The following SSBP4 variants were observed in gnomAD, a reference collection of about 807,000 sequenced individuals.
SSBP4 encodes the protein single-stranded DNA-binding protein 4.
Under a neutral mutation model 64.6 loss-of-function variants are expected in SSBP4, and 33 were observed. That is an observed-to-expected ratio of 0.51 (90% CI 0.39 to 0.68). The LOEUF is 0.68. Among genes scored for constraint, SSBP4 ranks in the 30% least tolerant of loss-of-function variants. The probability of loss-of-function intolerance (pLI) is 0.00; values close to 1 mark genes in which losing one functional copy is unlikely to be tolerated. For missense variants in SSBP4, 583 were observed against 566.8 expected (o/e 1.03, Z -0.29); for synonymous variants, 243 against 224.0 (o/e 1.08, Z -0.76).
At chr19:18,422,664 C>A (rs1478643047) in intron 1 of SSBP4, among the ~76,000 whole-genome samples, 1 of 152,222 alleles carries the variant, frequency 6.6e-6, no homozygotes, top group Non-Finnish European at 1.5e-5. Context: ...GACGACCCAT[C>A]TTTCAGGATC....
At position 18,426,581 on chromosome 19, in the gene SSBP4, C is replaced by G. The variant is rs1972873217; in HGVS notation, c.60-770C>G. ...GGACAGTCCGGCCTCCCCCTGTGAC[C>G]TGCAGAGGGCCGTGCTGGAGCCACC... On this transcript the variant is annotated intron_variant, in intron 1 of 17. Coordinates refer to ENST00000270061, the MANE Select transcript of SSBP4 (RefSeq NM_032627.5). The surrounding 1 kb of genome is among the most constrained non-coding windows in gnomAD (Gnocchi z 4.5). Among the ~76,000 whole-genome samples, 3 of 152,158 alleles carry G rather than the reference C, an allele frequency of 2.0e-5. No homozygotes were observed. Among genetic ancestry groups the G allele is most frequent in the African/African-American group, 7.2e-5 (3 of 41,426 alleles).
chr19:18,406,741 A>G, the SSBP4 span, among the ~76,000 whole-genome samples: 2 of 151,954 alleles, frequency 1.3e-5, no homozygotes, highest in African/African-American at 4.8e-5. Context: ...GGGAGGGCTG[A>G]GCCAAGCACC....
Position 18,433,626 on chromosome 19 carries a change from CGCTCTTG to C in SSBP4, c.1020+14_1020+20del. The C allele has an allele frequency of 3.6e-6, 5 of 1,378,696 alleles. No individual in the cohort carries two copies. The highest frequency in any genetic ancestry group is 4.7e-6 in the Non-Finnish European group (5 of 1,055,466). 85.4% of individuals were successfully genotyped at this position (1,378,696 alleles called of 1,614,324 possible). ...CGGGTTGCCGAAGGTAAGGAGGCTG[CGCTCTTG>C]CCGGGGGTGGGATCCGGGGGGGGTG... is the stretch of plus-strand genomic sequence containing the variant. On this transcript the variant is annotated intron_variant, in intron 16 of 17. Coordinates refer to ENST00000270061, the MANE Select transcript of SSBP4 (RefSeq NM_032627.5).
At chr19:18,412,734 C>T in the SSBP4 span, among the ~76,000 whole-genome samples, 5 of 152,032 alleles carry the variant, frequency 3.3e-5, no homozygotes, top group South Asian at 4.1e-4. Flanking sequence ...GGAGTGGTGG[C>T]GCACACCTGT....
rs375532794 is a variant in SSBP4 at position 18,434,253 on chromosome 19, G to A, written c.*7G>A. On this transcript the variant is annotated 3_prime_UTR_variant, in exon 18 of 18. Transcript: ENST00000270061. ...GATGACCATGAGCGTGTGATGGGGC[G>A]GCAGCCCCGGGCCTCTCTGCGGGCC... is the stretch of plus-strand genomic sequence containing the variant. The A allele has an allele frequency of 1.9e-4, 302 of 1,611,010 alleles. 1 individual carries two copies. Among genetic ancestry groups the A allele is most frequent in the Admixed American group, 2.7e-4 (16 of 59,896 alleles).
chr19:18,429,899 G>T (rs774511702), intron 4 of SSBP4, among the ~76,000 whole-genome samples: 14 of 152,128 alleles, frequency 9.2e-5, no homozygotes, highest in Non-Finnish European at 1.9e-4. Context: ...AGCCCCACAG[G>T]GGGAGGGAGG....
rs913964472 is a variant in SSBP4, at chr19:18,434,482, G to A, written c.*236G>A. The A allele has an allele frequency of 2.4e-6, 2 of 834,282 alleles. No homozygotes were observed. The highest frequency in any genetic ancestry group is 1.7e-6 in the Non-Finnish European group (1 of 586,974). The allele number at this position is 834,282 out of a possible 1,614,324, so 51.7% of individuals were successfully genotyped here. A position where few individuals can be genotyped will look rare whatever the true frequency, so the allele number is the denominator to read the frequency against. On this transcript the variant is annotated 3_prime_UTR_variant, in exon 18 of 18. Transcript: ENST00000270061. ...ATTTGTATTTTGTCCCAGAGAGAAA[G>A]GCTCTTTGGGGGGCCCCTCTCCCCA...
At chr19:18,416,312 G>T (rs2144653826), upstream of SSBP4, among the ~76,000 whole-genome samples, 1 of 152,240 alleles carries the variant, frequency 6.6e-6, no homozygotes, top group East Asian at 1.9e-4. Context: ...ACCGCGCCCG[G>T]CCGGTTTTTT....
chr19:18,431,663 G>C lies in SSBP4; in HGVS notation c.452G>C (p.Arg151Pro), dbSNP rs1451977824. The change falls in exon 7 of 18, where the codon CGC becomes CCC. Residue 151 changes from arginine to proline, a missense_variant. Around this residue, in one of 5 missense-constraint regions of SSBP4, gnomAD observed 444 missense variants for 386.6 expected, o/e 1.15. Transcript: ENST00000270061. The stretch of plus-strand genomic sequence containing the variant: ...CTCTTCCAGCCCTTCATGTCACCGC[G>C]CTTCCCAGGGGGCCCCCGGCCCACC... Reference protein sequence around the residue: ...GPHGQPFMSPRFPGGPRPTLR... With the variant: ...GPHGQPFMSPPFPGGPRPTLR... The C allele has an allele frequency of 6.4e-7, 1 of 1,552,426 alleles. No homozygotes were observed.
Position 18,427,756 on chromosome 19 carries a change from G to A in SSBP4, c.137G>A (p.Arg46Gln), listed in dbSNP as rs754137517. The change falls in exon 3 of 18, where the codon CGA becomes CAA. Residue 46 changes from arginine (R) to glutamine (Q), a missense_variant. Arg to Gln is a conservative substitution (Grantham distance 43). Around this residue, in one of 5 missense-constraint regions of SSBP4, gnomAD observed 43 missense variants for 74.2 expected, o/e 0.58. Transcript: ENST00000270061. This position sits in a 1 kb window ranked among gnomAD's most constrained non-coding sequence, Gnocchi z 4.4. ...KSAQTFLSEI[R>Q]WEKNITLGEP... The stretch of plus-strand genomic sequence containing the variant: ...ACCACCTTCCTTTCCCTGCAGATCC[G>A]ATGGGAGAAGAACATCACGCTGGGG... 1.9e-6 allele frequency: 3 copies of A among 1,593,086 alleles called. No individual in the cohort carries two copies. Among genetic ancestry groups the A allele is most frequent in the Non-Finnish European group, 1.7e-6 (2 of 1,164,880 alleles).
chr19:18,429,902 G>T (rs951767852), intron 4 of SSBP4, among the ~76,000 whole-genome samples: 12 of 152,148 alleles, frequency 7.9e-5, no homozygotes, highest in African/African-American at 2.9e-4. Context: ...CCCACAGGGG[G>T]AGGGAGGATT....
chr19:18,434,212 C>T lies in SSBP4; in HGVS notation c.1129-5C>T, dbSNP rs1439522859. On this transcript the variant is annotated splice_region_variant and splice_polypyrimidine_tract_variant and intron_variant, in intron 17 of 17. Transcript: ENST00000270061. ...CCTGCGCGCTGCCCCCTCCTCTCTCCGCAGTACTCGCCAGGGATGACCATG... is the reference window on the plus strand; with the variant it reads ...CCTGCGCGCTGCCCCCTCCTCTCTCTGCAGTACTCGCCAGGGATGACCATG... 16 of 1,611,864 alleles carry T rather than the reference C, an allele frequency of 9.9e-6. No individual in the cohort carries two copies. The highest frequency in any genetic ancestry group is 1.3e-5 in the Non-Finnish European group (15 of 1,179,570).
chr19:18,409,523 T>C, the SSBP4 span, among the ~76,000 whole-genome samples: 1 of 152,068 alleles, frequency 6.6e-6, no homozygotes. Context: ...TCTTAATAAA[T>C]TTGATTTCAC....
the SSBP4 span, among the ~76,000 whole-genome samples, chr19:18,411,649 AG>A: frequency 6.6e-6 from 1 of 152,200 alleles, no homozygotes; most frequent in Non-Finnish European, 1.5e-5. Context: ...TATCCCGGCC[AG>A]GAGAAAACCC....
chr19:18,412,999 G>A, the SSBP4 span, among the ~76,000 whole-genome samples: 1 of 152,136 alleles, frequency 6.6e-6, no homozygotes, highest in Admixed American at 6.5e-5. Flanking sequence ...AAGGGAAGGA[G>A]CCCTACAGGG....
At chr19:18,408,770 C>T in the SSBP4 span, among the ~76,000 whole-genome samples, 3 of 152,150 alleles carry the variant, frequency 2.0e-5, no homozygotes, top group African/African-American at 4.8e-5. Context: ...GGATTACAGT[C>T]GTGAGCCACC....
intron 1 of SSBP4, among the ~76,000 whole-genome samples, chr19:18,424,836 A>G (rs1489611957): frequency 2.0e-5 from 3 of 150,336 alleles, no homozygotes; most frequent in Admixed American, 6.6e-5. Flanking sequence ...ATGCATGTGT[A>G]AAGGCCAAGC....
At chr19:18,430,283 G>A (rs960226997) in intron 4 of SSBP4, among the ~76,000 whole-genome samples, 18 of 152,106 alleles carry the variant, frequency 1.2e-4, no homozygotes, top group African/African-American at 4.3e-4. Flanking sequence ...CTAGAACTTG[G>A]TCCCCGGCCA....
intron 5 of SSBP4, 62 bp downstream of exon 5, chr19:18,430,992 G>A (rs1973318095): frequency 2.5e-6 from 4 of 1,572,900 alleles, no homozygotes; most frequent in Non-Finnish European, 3.4e-6. Flanking sequence ...TTGAGGGTGG[G>A]GGGGGTCCCA....
Sources: gnomAD v4.1 joint callset for allele counts (sites outside exome capture counted in the v4.1 genomes callset) on GRCh38, gnomAD v4.1.1 for gene constraint, gnomAD v4.1.1 regional missense constraint, Gnocchi (gnomAD v3.1) non-coding constraint, MANE v1.5 for transcripts, NCBI Gene and HGNC (gene_info 2026-07-23, HGNC 2026-07-21) for gene names.